The following CDH13 variants were observed in gnomAD, a reference collection of about 807,000 sequenced individuals.
The protein encoded by CDH13 is cadherin-13.
Under a neutral mutation model 63.8 loss-of-function variants are expected in CDH13, and 24 were observed. The ratio of observed to expected loss-of-function variants is 0.38; its 90% CI spans 0.27 to 0.53. CDH13 has a LOEUF of 0.53. CDH13 is among the 20% of genes least tolerant of loss of function. The pLI is 0.85. For missense variants in CDH13, 1,049 were observed against 903.1 expected, an observed-to-expected ratio of 1.16 and a Z score of -2.07; for synonymous variants, 503 against 355.3, an observed-to-expected ratio of 1.42 and a Z score of -4.67.
intron 6 of CDH13, among the ~76,000 whole-genome samples, chr16:83,390,984 T>G (rs1214749602): frequency 6.6e-6 from 1 of 152,066 alleles, no homozygotes; most frequent in Non-Finnish European, 1.5e-5. Flanking sequence ...TGTCTTAGCT[T>G]TCAGAGGATT....
intron 3 of CDH13, among the ~76,000 whole-genome samples, chr16:83,062,447 G>A (rs1201143201): frequency 6.6e-6 from 1 of 152,206 alleles, no homozygotes; most frequent in African/African-American, 2.4e-5. Context: ...AATGTGGTAA[G>A]TGAATTTCTA....
chr16:83,541,430 G>A (rs1018893165), intron 7 of CDH13, among the ~76,000 whole-genome samples: 5 of 152,126 alleles, frequency 3.3e-5, no homozygotes, highest in Non-Finnish European at 5.9e-5. Flanking sequence ...CTCATCCTTT[G>A]AGGCATGTGG....
intron 5 of CDH13, among the ~76,000 whole-genome samples, chr16:83,233,653 G>A (rs2040066448): frequency 6.6e-6 from 1 of 152,184 alleles, no homozygotes; most frequent in Non-Finnish European, 1.5e-5. Flanking sequence ...GCCAGCAATG[G>A]AAGCAGCTCC....
At chr16:83,322,951 C>T (rs1041092095) in intron 5 of CDH13, among the ~76,000 whole-genome samples, 2 of 152,044 alleles carry the variant, frequency 1.3e-5, no homozygotes, top group Non-Finnish European at 1.5e-5. Context: ...TTCTGAGAAA[C>T]CTGGCATCCC....
chr16:83,430,913 C>T (rs1246805895), intron 6 of CDH13, among the ~76,000 whole-genome samples: 1 of 151,664 alleles, frequency 6.6e-6, no homozygotes, highest in Admixed American at 6.6e-5. Context: ...GTGTGCTGCA[C>T]CCACTAACTC....
chr16:83,071,141 A>G (rs1161731981), intron 3 of CDH13, among the ~76,000 whole-genome samples: 2 of 152,134 alleles, frequency 1.3e-5, no homozygotes, highest in African/African-American at 2.4e-5. Flanking sequence ...TTGCAAAGGG[A>G]TCAGGAAAGT....
intron 3 of CDH13, among the ~76,000 whole-genome samples, chr16:83,076,268 G>T (rs184155209): frequency 6.6e-6 from 1 of 152,250 alleles, no homozygotes; most frequent in African/African-American, 2.4e-5. Context: ...TTTCCCAAAT[G>T]TTCCATGTAA....
chr16:83,541,226 C>A (rs572993022), intron 7 of CDH13, among the ~76,000 whole-genome samples: 1 of 152,170 alleles, frequency 6.6e-6, no homozygotes, highest in Non-Finnish European at 1.5e-5. Context: ...CAGGAAGCTG[C>A]CCAACACTCT....
At chr16:83,053,791 A>G (rs2030635338) in intron 3 of CDH13, among the ~76,000 whole-genome samples, 2 of 152,282 alleles carry the variant, frequency 1.3e-5, no homozygotes, top group East Asian at 1.9e-4. Context: ...CCAAATTAGG[A>G]TGCATCCAGT....
At chr16:83,063,864 C>T (rs1024550198) in intron 3 of CDH13, among the ~76,000 whole-genome samples, 1 of 152,116 alleles carries the variant, frequency 6.6e-6, no homozygotes, top group African/African-American at 2.4e-5. Context: ...CTTACAACTT[C>T]AAAGGCAATT....
intron 11 of CDH13, among the ~76,000 whole-genome samples, chr16:83,757,643 A>C (rs1913622099): frequency 6.6e-6 from 1 of 152,216 alleles, no homozygotes; most frequent in South Asian, 2.1e-4. Context: ...GATTGAATAA[A>C]ATTGTAAACT....
intron 2 of CDH13, among the ~76,000 whole-genome samples, chr16:82,979,876 T>C (rs896514778): frequency 2.0e-5 from 3 of 152,168 alleles, no homozygotes; most frequent in Admixed American, 1.3e-4. Context: ...AACTGGACTT[T>C]GGAGACCATT....
intron 5 of CDH13, among the ~76,000 whole-genome samples, chr16:83,232,346 G>A (rs570285676): frequency 2.6e-5 from 4 of 151,062 alleles, no homozygotes; most frequent in South Asian, 2.1e-4. Context: ...CCAACATGGC[G>A]AAGCCCTGTC....
chr16:83,359,818 T>G (rs1462909074), intron 6 of CDH13, among the ~76,000 whole-genome samples: 1 of 152,194 alleles, frequency 6.6e-6, no homozygotes, highest in Non-Finnish European at 1.5e-5. Flanking sequence ...ATTTACCAAT[T>G]CATCCATACA....
At chr16:83,148,994 A>G (rs2036864667) in intron 4 of CDH13, among the ~76,000 whole-genome samples, 1 of 152,238 alleles carries the variant, frequency 6.6e-6, no homozygotes, top group Non-Finnish European at 1.5e-5. Flanking sequence ...TGTATCATAA[A>G]ATTAATTCAA....
At chr16:82,872,266 G>A (rs1439449007) in intron 2 of CDH13, among the ~76,000 whole-genome samples, 1 of 152,192 alleles carries the variant, frequency 6.6e-6, no homozygotes, top group African/African-American at 2.4e-5. Context: ...TTTCTTGCTG[G>A]TGATGCTGGT....
intron 7 of CDH13, among the ~76,000 whole-genome samples, chr16:83,507,095 C>G (rs1311467268): frequency 6.6e-6 from 1 of 152,214 alleles, no homozygotes; most frequent in East Asian, 1.9e-4. Flanking sequence ...GCTCATTTCT[C>G]TGTTACCCCC....
chr16:82,789,490 C>T (rs2036183287), intron 1 of CDH13, among the ~76,000 whole-genome samples: 1 of 152,182 alleles, frequency 6.6e-6, no homozygotes, highest in African/African-American at 2.4e-5. Flanking sequence ...TTTGAAACGA[C>T]ACTTCGCCAT....
intron 2 of CDH13, among the ~76,000 whole-genome samples, chr16:83,019,510 T>A (rs974884575): frequency 6.6e-6 from 1 of 150,992 alleles, no homozygotes; most frequent in Non-Finnish European, 1.5e-5. Context: ...TTTTTTTTTT[T>A]TTTGAGACAG....
Sources: allele counts gnomAD v4.1 joint callset (sites outside exome capture counted in the v4.1 genomes callset), GRCh38; gene constraint gnomAD v4.1.1; transcripts MANE v1.5; gene names NCBI Gene and HGNC (gene_info 2026-07-23, HGNC 2026-07-21).